Variants in PHLDB2 observed in about 807,000 individuals in gnomAD.
PHLDB2 encodes the protein pleckstrin homology like domain family B member 2.
Under a neutral mutation model 123.6 loss-of-function variants are expected in PHLDB2, and 71 were observed. The observed-to-expected ratio is 0.57, with a 90% CI of 0.47 to 0.70. The LOEUF (loss-of-function observed/expected upper bound fraction) is 0.70, where lower values mean the gene tolerates loss of function less well. PHLDB2 is among the 30% of genes least tolerant of loss of function. PHLDB2 has a pLI of 0.00. For synonymous variants in PHLDB2, 547 were observed against 541.6 expected (o/e 1.01, Z -0.14); for missense variants, 1,446 against 1,519.5 (o/e 0.95, Z 0.80).
intron 1 of PHLDB2, among the ~76,000 whole-genome samples, chr3:111,817,268 G>A (rs1170800179): frequency 6.6e-6 from 1 of 152,120 alleles, no homozygotes; most frequent in Non-Finnish European, 1.5e-5. Context: ...CTGCAACTCT[G>A]GGGATCAAAT....
intron 11 of PHLDB2, chr3:111,953,653 T>C (rs796954151): frequency 1.6e-5 from 5 of 305,214 alleles, no homozygotes; most frequent in African/African-American, 1.1e-4. Context: ...CTTTCAGCCA[T>C]TCTTTCAGGT....
chr3:111,952,423 T>C, intron 10 of PHLDB2, 149 bp from the exon 11 acceptor site: 3 of 757,932 alleles, frequency 4.0e-6, no homozygotes, highest in East Asian at 2.8e-5. Context: ...AGCTCAAATC[T>C]ATCAGTGAAC....
At chr3:111,902,642 T>G (rs1459968804) in intron 2 of PHLDB2, among the ~76,000 whole-genome samples, 1 of 148,338 alleles carries the variant, frequency 6.7e-6, no homozygotes, top group Non-Finnish European at 1.5e-5. Context: ...ATTTATTCAG[T>G]TTTTTTTTTC....
chr3:111,860,702 C>G (rs1310839784), intron 1 of PHLDB2, among the ~76,000 whole-genome samples: 1 of 152,154 alleles, frequency 6.6e-6, no homozygotes, highest in East Asian at 1.9e-4. Flanking sequence ...AGCTTTTTCT[C>G]TCGGTAAACT....
At chr3:111,925,614 G>A (rs2107547854) in intron 5 of PHLDB2, among the ~76,000 whole-genome samples, 1 of 152,328 alleles carries the variant, frequency 6.6e-6, no homozygotes, top group Middle Eastern at 3.4e-3. Flanking sequence ...GGGACCTCTG[G>A]TCTAGCAAAC....
At chr3:111,873,656 G>T (rs2065455304) in intron 1 of PHLDB2, among the ~76,000 whole-genome samples, 1 of 152,238 alleles carries the variant, frequency 6.6e-6, no homozygotes, top group Non-Finnish European at 1.5e-5. Flanking sequence ...CTTGCTTTCT[G>T]GGTTGCTGTG....
intron 1 of PHLDB2, among the ~76,000 whole-genome samples, chr3:111,818,466 A>C (rs2062204963): frequency 6.6e-6 from 1 of 152,116 alleles, no homozygotes; most frequent in Admixed American, 6.6e-5. Flanking sequence ...TCTTCTACTT[A>C]ACTGTATTGT....
At chr3:111,854,449 T>C (rs1391868059), upstream of PHLDB2, among the ~76,000 whole-genome samples, 1 of 152,204 alleles carries the variant, frequency 6.6e-6, no homozygotes, top group African/African-American at 2.4e-5. Context: ...ATCATCATAA[T>C]ATTAAAGCGA....
In PHLDB2 at chr3:111,798,218, T is replaced by A. The variant is rs58294973; in HGVS notation, c.-48-47603T>A. On this transcript the variant is annotated intron_variant, in intron 1 of 17. Coordinates refer to the PHLDB2 transcript ENST00000393923. The stretch of plus-strand genomic sequence containing the variant: ...ACTTCTAAGACCTTGGCCTTTATAA[T>A]TTACTCCCAAATTTTCTATCTTAAA... 6.1e-3 allele frequency among the ~76,000 whole-genome samples: 936 copies of A among 152,198 alleles called. 5 individuals carry two copies. Among genetic ancestry groups the A allele is most frequent in the African/African-American group, 0.021 (871 of 41,514 alleles).
intron 1 of PHLDB2, among the ~76,000 whole-genome samples, chr3:111,805,430 G>A (rs143328187): frequency 0.03 from 4,529 of 148,948 alleles, 254 homozygotes; most frequent in East Asian, 0.23. Flanking sequence ...GCATGGTGGC[G>A]CATGCCTGTA....
chr3:111,746,845 C>T (rs1254133089), intron 1 of PHLDB2, among the ~76,000 whole-genome samples: 1 of 152,096 alleles, frequency 6.6e-6, no homozygotes, highest in Non-Finnish European at 1.5e-5. Context: ...ATTTTGAAGA[C>T]TAAAAGGACA....
In PHLDB2 at chr3:111,884,807, A is replaced by G. The variant is rs1053930703; in HGVS notation, c.730A>G (p.Ser244Gly). ...INLRTRKYSS[S>G]SLSHMGAYSR... is the part of the protein sequence containing the mutation. ...TTTGAGAACTAGGAAGTACTCCAGC[A>G]GCAGCCTGAGTCACATGGGAGCCTA... Residue 244 changes from serine to glycine, a missense_variant, in exon 2 of 18, where the codon AGC becomes GGC. By Grantham distance (56) the Ser-to-Gly change is moderately conservative. Around this residue, in one of 3 missense-constraint regions of PHLDB2, gnomAD observed 832 missense variants for 831.9 expected, o/e 1.00. Coordinates refer to ENST00000431670, the MANE Select transcript of PHLDB2 (RefSeq NM_001134438.2). The G allele has an allele frequency of 6.2e-7, 1 of 1,614,018 alleles. No individual in the cohort carries two copies. Among genetic ancestry groups the G allele is most frequent in the Non-Finnish European group, 8.5e-7 (1 of 1,180,008 alleles).
chr3:111,739,893 T>C (rs1385194417), intron 1 of PHLDB2, among the ~76,000 whole-genome samples: 1 of 152,170 alleles, frequency 6.6e-6, no homozygotes, highest in East Asian at 1.9e-4. Context: ...TATTAAAATC[T>C]GCAGAAATGA....
chr3:111,793,857 C>T (rs896006044), intron 1 of PHLDB2, among the ~76,000 whole-genome samples: 5 of 151,668 alleles, frequency 3.3e-5, no homozygotes, highest in Non-Finnish European at 5.9e-5. Flanking sequence ...GCCTGGTGCT[C>T]TAACCTACTG....
At chr3:111,869,079 T>C (rs1024570076) in intron 1 of PHLDB2, among the ~76,000 whole-genome samples, 2 of 152,342 alleles carry the variant, frequency 1.3e-5, no homozygotes, top group African/African-American at 4.8e-5. Flanking sequence ...TCACAGGAGA[T>C]GAAGATCCTC....
At chr3:111,866,014 A>ATTTTTTTTTTTTT (rs61038523) in intron 1 of PHLDB2, among the ~76,000 whole-genome samples, 1,146 of 57,386 alleles carry the variant, frequency 0.02, 252 homozygotes, top group Middle Eastern at 0.029. Context: ...CCACCCACTC[A>ATTTTTTTTTTTTT]TTTTTTTTTT....
At chr3:111,949,213 G>C (rs2070534940) in intron 10 of PHLDB2, 138 bp downstream of exon 10, 2 of 986,506 alleles carry the variant, frequency 2.0e-6, no homozygotes, top group Admixed American at 5.3e-5. Flanking sequence ...GGGTAAGGCT[G>C]AGTTTATAAA....
intron 12 of PHLDB2, among the ~76,000 whole-genome samples, chr3:111,956,369 TC>T (rs1331636000): frequency 1.3e-5 from 2 of 152,188 alleles, no homozygotes; most frequent in African/African-American, 4.8e-5. Context: ...TAATCTGTTT[TC>T]CCCTGAAGTA....
chr3:111,885,760 A>G, intron 2 of PHLDB2: 2 of 600,268 alleles, frequency 3.3e-6, no homozygotes, highest in African/African-American at 1.9e-5. Context: ...GCTGACTTGT[A>G]TTATTTATAT....
Sources: allele counts gnomAD v4.1 joint callset (sites outside exome capture counted in the v4.1 genomes callset), GRCh38; gene constraint gnomAD v4.1.1; regional missense constraint gnomAD v4.1.1; transcripts MANE v1.5; gene names NCBI Gene and HGNC (gene_info 2026-07-23, HGNC 2026-07-21).